Variants in MLLT3 observed in about 807,000 individuals in gnomAD.
MLLT3 encodes the protein MLLT3 super elongation complex subunit.
A neutral mutation model predicts 53.2 loss-of-function variants in MLLT3; 4 were observed. That is an observed-to-expected ratio of 0.08 (90% CI 0.04 to 0.17). The LOEUF is 0.17. MLLT3 is among the 10% of genes least tolerant of loss of function. The pLI is 1.00. For synonymous variants in MLLT3, 283 were observed against 230.6 expected, an observed-to-expected ratio of 1.23 and a Z score of -2.06; for missense variants, 569 against 684.0, an observed-to-expected ratio of 0.83 and a Z score of 1.87.
chr9:20,485,581 A>C (rs1438846160), intron 2 of MLLT3, among the ~76,000 whole-genome samples: 1 of 152,244 alleles, frequency 6.6e-6, no homozygotes, highest in African/African-American at 2.4e-5. Flanking sequence ...GAAGCCATGA[A>C]ATGTCACCAC....
At chr9:20,469,253 A>T (rs1824310981) in intron 2 of MLLT3, among the ~76,000 whole-genome samples, 2 of 152,168 alleles carry the variant, frequency 1.3e-5, no homozygotes, top group African/African-American at 4.8e-5. Context: ...TTAAGAAATG[A>T]AACAACAGAA....
At chr9:20,426,158 C>T (rs1466592756) in intron 4 of MLLT3, among the ~76,000 whole-genome samples, 1 of 152,016 alleles carries the variant, frequency 6.6e-6, no homozygotes, top group East Asian at 1.9e-4. Flanking sequence ...TAGTTAAGTA[C>T]TACTGACTGT....
At chr9:20,564,325 GA>G (rs1168380757) in intron 2 of MLLT3, among the ~76,000 whole-genome samples, 5 of 149,948 alleles carry the variant, frequency 3.3e-5, no homozygotes, top group South Asian at 4.2e-4. Flanking sequence ...CCAGGGGAGG[GA>G]AAATGAGGAG....
At chr9:20,360,102 T>C (rs1821277311) in intron 8 of MLLT3, among the ~76,000 whole-genome samples, 1 of 152,228 alleles carries the variant, frequency 6.6e-6, no homozygotes, top group Non-Finnish European at 1.5e-5. Flanking sequence ...ACAATGATAA[T>C]GACCATTATT....
intron 2 of MLLT3, among the ~76,000 whole-genome samples, chr9:20,549,827 G>C (rs1818883402): frequency 6.6e-6 from 1 of 152,192 alleles, no homozygotes; most frequent in Non-Finnish European, 1.5e-5. Flanking sequence ...TCTTTGCGCA[G>C]TGATCCATTC....
At chr9:20,585,327 GACACTA>G (rs1819924561) in intron 2 of MLLT3, among the ~76,000 whole-genome samples, 1 of 152,036 alleles carries the variant, frequency 6.6e-6, no homozygotes, top group Admixed American at 6.6e-5. Flanking sequence ...TTCTTATAAA[GACACTA>G]ATTCCATCAG....
chr9:20,400,878 T>G (rs1822438085), intron 5 of MLLT3, among the ~76,000 whole-genome samples: 1 of 152,202 alleles, frequency 6.6e-6, no homozygotes, highest in South Asian at 2.1e-4. Context: ...TTTTAACTAG[T>G]TGATTTATAT....
At chr9:20,457,220 A>T (rs965850435) in intron 2 of MLLT3, among the ~76,000 whole-genome samples, 1 of 136,658 alleles carries the variant, frequency 7.3e-6, no homozygotes, top group Non-Finnish European at 1.6e-5. Flanking sequence ...CTTGTCTGAG[A>T]TGTCCTGACA....
chr9:20,442,246 G>GCACT (rs1429060080), intron 4 of MLLT3, among the ~76,000 whole-genome samples: 9 of 152,102 alleles, frequency 5.9e-5, no homozygotes, highest in African/African-American at 2.2e-4. Flanking sequence ...GGAGAAAAAG[G>GCACT]CACTCACGTA....
intron 4 of MLLT3, among the ~76,000 whole-genome samples, chr9:20,427,079 C>G (rs908587844): frequency 6.6e-6 from 1 of 151,966 alleles, no homozygotes; most frequent in Non-Finnish European, 1.5e-5. Context: ...AAATCAAATA[C>G]GAATTCGCGA....
At chr9:20,506,091 G>C (rs201601529) in intron 2 of MLLT3, among the ~76,000 whole-genome samples, 1 of 124,072 alleles carries the variant, frequency 8.1e-6, no homozygotes, top group Middle Eastern at 4.3e-3. Context: ...TTTTTTTTTT[G>C]AGATGTAGTC....
rs545805730 is a variant in MLLT3 at position 20,587,667 on chromosome 9, T to C, written c.193+32987A>G. 4.3e-3 allele frequency among the ~76,000 whole-genome samples: 649 copies of C among 152,332 alleles called. 2 individuals carry two copies. The highest frequency in any genetic ancestry group is 6.8e-3 in the Admixed American group (104 of 15,304). ...TTGAGAAGTGTCTGTTCATGTCCTT[T>C]GCCCACTTGTTGATGGGGTTGTTTG... On this transcript the variant is annotated intron_variant, in intron 2 of 10. Coordinates refer to ENST00000380338, the MANE Select transcript of MLLT3 (RefSeq NM_004529.4).
rs761580487 is a variant in MLLT3, at chr9:20,345,982, A to G, written c.*461T>C. 4.3e-6 allele frequency: 1 copy of G among 234,166 alleles called. No homozygotes were observed. Among genetic ancestry groups the G allele is most frequent in the African/African-American group, 2.2e-5 (1 of 45,230 alleles). The allele number at this position is 234,166 out of a possible 1,614,324, so 14.5% of individuals were successfully genotyped here. ...AGCATCCACGGGACCAAGTACTTAT[A>G]ATGTCTGATGGTGTCATTCCCTCAA... On this transcript the variant is annotated 3_prime_UTR_variant, in exon 11 of 11. Coordinates refer to ENST00000380338, the MANE Select transcript of MLLT3 (RefSeq NM_004529.4).
chr9:20,395,734 A>G (rs1489282729), intron 5 of MLLT3, among the ~76,000 whole-genome samples: 21 of 152,176 alleles, frequency 1.4e-4, no homozygotes, highest in Admixed American at 1.4e-3. Flanking sequence ...ACTTAGTGAC[A>G]TGGTTCACAA....
chr9:20,429,083 G>T (rs1367992152), intron 4 of MLLT3, among the ~76,000 whole-genome samples: 1 of 152,134 alleles, frequency 6.6e-6, no homozygotes, highest in Non-Finnish European at 1.5e-5. Context: ...GAAAAGACAG[G>T]CAGGTATGGT....
rs1176274864 is a variant in MLLT3, at chr9:20,620,293, A to ACACACACACGCGCGCG, written c.193+360_193+361insCGCGCGCGTGTGTGTG. 5.5e-5 allele frequency among the ~76,000 whole-genome samples: 8 copies of ACACACACACGCGCGCG among 145,962 alleles called. No individual in the cohort carries two copies. The highest frequency in any genetic ancestry group is 2.0e-4 in the African/African-American group (8 of 39,816). On this transcript the variant is annotated intron_variant, in intron 2 of 10. Coordinates refer to ENST00000380338, the MANE Select transcript of MLLT3 (RefSeq NM_004529.4). The surrounding 1 kb of genome is among the most constrained non-coding windows in gnomAD (Gnocchi z 6.1). ...CACACACACACACACACACACACAC[A>ACACACACACGCGCGCG]CGCGCAAAGTGTTTATTCCCTCCAG... is the stretch of plus-strand genomic sequence containing the variant.
At chr9:20,548,807 C>T (rs560861555) in intron 2 of MLLT3, among the ~76,000 whole-genome samples, 1 of 151,072 alleles carries the variant, frequency 6.6e-6, no homozygotes, top group South Asian at 2.1e-4. Flanking sequence ...TACCAAAACA[C>T]ATATTTTGCT....
At chr9:20,348,691 C>T (rs1037555980) in intron 10 of MLLT3, among the ~76,000 whole-genome samples, 4 of 152,124 alleles carry the variant, frequency 2.6e-5, no homozygotes, top group African/African-American at 9.7e-5. Context: ...GGAGTGTACC[C>T]AATTATGGTT....
chr9:20,465,274 T>C lies in MLLT3; in HGVS notation c.194-8488A>G, dbSNP rs1586969598. ...AGAGATAATGTTCAAATTATTAATA[T>C]ACAGTAGTTCTAATTTTCTCAAACG... On this transcript the variant is annotated intron_variant, in intron 2 of 10. Coordinates refer to ENST00000380338, the MANE Select transcript of MLLT3 (RefSeq NM_004529.4). Among the ~76,000 whole-genome samples the C allele has an allele frequency of 2.0e-5, 3 of 152,270 alleles. No homozygotes were observed. In the East Asian group the frequency reaches 5.8e-4, roughly 29 times the overall value.
Sources: allele counts gnomAD v4.1 joint callset (sites outside exome capture counted in the v4.1 genomes callset), GRCh38; gene constraint gnomAD v4.1.1; non-coding constraint Gnocchi (gnomAD v3.1); transcripts MANE v1.5; gene names NCBI Gene and HGNC (gene_info 2026-07-23, HGNC 2026-07-21).